VPS33A: variants seen among roughly 807,000 people sequenced by gnomAD.
The protein encoded by VPS33A is VPS33A core subunit of CORVET and HOPS complexes.
VPS33A carries 32 observed loss-of-function variants against 71.8 expected under a neutral mutation model. The ratio of observed to expected loss-of-function variants is 0.45; its 90% CI spans 0.34 to 0.60. The LOEUF is 0.60. Ranked by LOEUF, VPS33A falls within the 20% of genes least tolerant of loss-of-function variation. VPS33A has a pLI of 0.02. For synonymous variants in VPS33A, 311 were observed against 292.7 expected, an observed-to-expected ratio of 1.06 and a Z score of -0.64; for missense variants, 625 against 748.5, an observed-to-expected ratio of 0.84 and a Z score of 1.92.
At chr12:122,244,837 C>A in intron 6 of VPS33A, 75 bp from the exon 7 acceptor site, 6 of 1,458,736 alleles carry the variant, frequency 4.1e-6, no homozygotes, top group Non-Finnish European at 5.6e-6. Context: ...AAGCACAAAA[C>A]AGAATTTCCA....
In VPS33A at chr12:122,244,588, A is replaced by G; in HGVS notation, c.950T>C (p.Ile317Thr). The change falls in exon 7 of 13, where the codon ATC (isoleucine) becomes ACC (threonine). Residue 317 changes from isoleucine to threonine, a missense_variant. Ile to Thr is a moderately conservative substitution (Grantham distance 89, BLOSUM62 -1). Coordinates refer to ENST00000267199, the MANE Select transcript of VPS33A (RefSeq NM_022916.6). ...CCTCACCTCGAATGCTGCAGAGATG[A>G]TCTTTGCTTTCTTGCTGAGCACAGA... ...VGSVLSKKAK[I>T]ISAAFEERHN... The G allele has an allele frequency of 6.2e-7, 1 of 1,607,916 alleles. No individual in the cohort carries two copies. Among genetic ancestry groups the G allele is most frequent in the East Asian group, 2.2e-5 (1 of 44,726 alleles).
At chr12:122,252,441 T>C (rs1268499733) in intron 4 of VPS33A, among the ~76,000 whole-genome samples, 1 of 152,012 alleles carries the variant, frequency 6.6e-6, no homozygotes, top group East Asian at 1.9e-4. Flanking sequence ...GCTAATTTTT[T>C]TGTATTTCTT....
rs1011107405 is a variant in VPS33A at position 122,232,041 on chromosome 12, A to G, written c.*205T>C. 3.8e-6 allele frequency: 2 copies of G among 522,654 alleles called. No homozygotes were observed. Among genetic ancestry groups the G allele is most frequent in the African/African-American group, 4.0e-5 (2 of 50,280 alleles). 32.4% of individuals were successfully genotyped at this position (522,654 alleles called of 1,614,324 possible). ...CACTGCACTCTAGTCTGGGTGACAG[A>G]GCAAGACTCCGTCTCAAAGGAAAAA... On this transcript the variant is annotated 3_prime_UTR_variant, in exon 13 of 13. Transcript: ENST00000267199.
Position 122,232,543 on chromosome 12 carries a change from A to T in VPS33A, c.1610-116T>A. On this transcript the variant is annotated intron_variant, in intron 12 of 12. Transcript: ENST00000267199. ...ACAAGTGCCTTCATCCAGACAGTTC[A>T]TCTGAAACCTAAGAATACTGATTTT... 3 of 1,164,108 alleles carry T rather than the reference A, an allele frequency of 2.6e-6. No individual in the cohort carries two copies. In the South Asian group the frequency reaches 5.0e-5, roughly 19 times the overall value. 72.1% of individuals were successfully genotyped at this position (1,164,108 alleles called of 1,614,324 possible). A position where few individuals can be genotyped will look rare whatever the true frequency, so the allele number is the denominator to read the frequency against.
At chr12:122,237,978 G>T (rs998521049) in intron 10 of VPS33A, among the ~76,000 whole-genome samples, 6 of 151,496 alleles carry the variant, frequency 4.0e-5, no homozygotes, top group Non-Finnish European at 7.4e-5. Flanking sequence ...TAGAGACAGG[G>T]TCTTGCTATG....
At position 122,261,339 on chromosome 12, in the gene VPS33A, A is replaced by T; in HGVS notation, c.405T>A (p.Ile135=). The T allele has an allele frequency of 6.2e-7, 1 of 1,614,118 alleles. No individual in the cohort carries two copies. The highest frequency in any genetic ancestry group is 8.5e-7 in the Non-Finnish European group (1 of 1,180,018). Residue 135 remains isoleucine, a synonymous_variant, in exon 4 of 13, where the codon ATT becomes ATA. Coordinates refer to ENST00000267199, the MANE Select transcript of VPS33A (RefSeq NM_022916.6). ...GATCTAAGCTGTACTCCTCCCTGTGAATAAAGGATCCCAAGACACCCAGAT... is the reference window on the plus strand; with the variant it reads ...GATCTAAGCTGTACTCCTCCCTGTGTATAAAGGATCCCAAGACACCCAGAT... ...LKDLGVLGSF[I]HREEYSLDLI...
intron 6 of VPS33A, 85 bp downstream of exon 6, chr12:122,249,786 A>C: frequency 7.9e-7 from 1 of 1,266,704 alleles, no homozygotes; most frequent in Non-Finnish European, 1.1e-6. Flanking sequence ...AATTATGCTT[A>C]AGTGTGCAAT....
chr12:122,234,070 G>C (rs1954598934), intron 11 of VPS33A, among the ~76,000 whole-genome samples: 1 of 152,152 alleles, frequency 6.6e-6, no homozygotes, highest in African/African-American at 2.4e-5. Flanking sequence ...AGAAACATTA[G>C]AATAAGTAAT....
At chr12:122,246,819 C>T (rs1476894268) in intron 6 of VPS33A, among the ~76,000 whole-genome samples, 1 of 152,110 alleles carries the variant, frequency 6.6e-6, no homozygotes, top group Non-Finnish European at 1.5e-5. Context: ...TCAGGCTGGT[C>T]TCGAACTCCT....
intron 4 of VPS33A, among the ~76,000 whole-genome samples, chr12:122,256,015 C>T (rs1294958817): frequency 6.6e-6 from 1 of 152,004 alleles, no homozygotes; most frequent in Admixed American, 6.6e-5. Flanking sequence ...AGGCTGGTCT[C>T]GAACTCCTGG....
chr12:122,248,657 G>C (rs1273718550), intron 6 of VPS33A: 1 of 152,104 alleles, frequency 6.6e-6, no homozygotes, highest in Non-Finnish European at 1.5e-5. Flanking sequence ...ACTCAACCAC[G>C]TTGCTTGGCT....
At chr12:122,262,143 A>T (rs527734157) in intron 3 of VPS33A, among the ~76,000 whole-genome samples, 1 of 152,168 alleles carries the variant, frequency 6.6e-6, no homozygotes, top group African/African-American at 2.4e-5. Flanking sequence ...GTGAGCAGAG[A>T]TTCCACCACT....
At position 122,236,132 on chromosome 12, in the gene VPS33A, C is replaced by T. The variant is rs78511190; in HGVS notation, c.1303-209G>A. On this transcript the variant is annotated intron_variant, in intron 10 of 12. Transcript: ENST00000267199. ...TGCCTGTTACTATTAATTCAGCTCA[C>T]TGTTTCAAAGAGAAATTTAAAATTT... Among the ~76,000 whole-genome samples the T allele has an allele frequency of 1.4e-3, 213 of 152,230 alleles. 1 individual carries two copies. Among genetic ancestry groups the T allele is most frequent in the African/African-American group, 5.0e-3 (208 of 41,532 alleles).
intron 4 of VPS33A, among the ~76,000 whole-genome samples, chr12:122,254,343 G>C (rs192178709): frequency 2.6e-5 from 4 of 151,702 alleles, no homozygotes; most frequent in Non-Finnish European, 2.9e-5. Flanking sequence ...TGTGCCATCC[G>C]GATAAAGTCC....
At chr12:122,237,559 C>T (rs1461284196) in intron 10 of VPS33A, among the ~76,000 whole-genome samples, 10 of 121,756 alleles carry the variant, frequency 8.2e-5, no homozygotes, top group Admixed American at 2.8e-4. Context: ...TTTTTTGAGA[C>T]GGAGTCTCGC....
chr12:122,266,291 G>A lies in VPS33A; in HGVS notation c.102+16C>T. The A allele has an allele frequency of 6.2e-7, 1 of 1,607,258 alleles. No homozygotes were observed. The highest frequency in any genetic ancestry group is 2.2e-5 in the East Asian group (1 of 44,822). On this transcript the variant is annotated intron_variant, in intron 1 of 12. Coordinates refer to ENST00000267199, the MANE Select transcript of VPS33A (RefSeq NM_022916.6). ...CAGGGGAGGCGAGGGCGGTGTCGCT[G>A]CCTCCCGCCCCTCACCTTGCTTCCT...
chr12:122,246,519 G>A (rs565494336), intron 6 of VPS33A, among the ~76,000 whole-genome samples: 120 of 151,846 alleles, frequency 7.9e-4, no homozygotes, highest in African/African-American at 2.6e-3. Flanking sequence ...GGCTGGTCTC[G>A]AACTCCTGAC....
Position 122,232,966 on chromosome 12 carries a change from G to C in VPS33A, c.1443C>G (p.Asn481Lys). 1.9e-6 allele frequency: 3 copies of C among 1,589,560 alleles called. No homozygotes were observed. The highest frequency in any genetic ancestry group is 2.7e-5 in the African/African-American group (2 of 74,098). Reference sequence around the variant, plus strand: ...TGTACACATACGATATGTCCGTGGGGTTCTGTGAGATAATTAAAGAACAAA... The same window carrying C: ...TGTACACATACGATATGTCCGTGGGCTTCTGTGAGATAATTAAAGAACAAA... ...RLWMDDVNEQ[N>K]PTDISYVYSG... The change falls in exon 12 of 13, where the codon AAC becomes AAG. Residue 481 changes from asparagine to lysine, a missense_variant and splice_region_variant. By Grantham distance (94) the Asn-to-Lys change is moderately conservative. Coordinates refer to ENST00000267199, the MANE Select transcript of VPS33A (RefSeq NM_022916.6).
At chr12:122,243,782 A>G (rs763231085) in intron 7 of VPS33A, among the ~76,000 whole-genome samples, 1 of 152,004 alleles carries the variant, frequency 6.6e-6, no homozygotes, top group Non-Finnish European at 1.5e-5. Flanking sequence ...TCTGCCAGGC[A>G]TGATGGCATG....
Sources: allele counts gnomAD v4.1 joint callset (sites outside exome capture counted in the v4.1 genomes callset), GRCh38; gene constraint gnomAD v4.1.1; transcripts MANE v1.5; gene names NCBI Gene and HGNC (gene_info 2026-07-23, HGNC 2026-07-21).